The following ITPR1 variants were observed in gnomAD, a reference collection of about 807,000 sequenced individuals.
ITPR1 encodes inositol 1,4,5-trisphosphate-gated calcium channel ITPR1.
ITPR1 carries 96 observed loss-of-function variants against 318.4 expected under a neutral mutation model. The ratio of observed to expected loss-of-function variants is 0.30; its 90% confidence interval spans 0.26 to 0.36. The LOEUF is 0.36. Ranked by LOEUF, ITPR1 falls within the 10% of genes least tolerant of loss-of-function variation. The pLI, the probability that ITPR1 is intolerant of heterozygous loss-of-function variation, is 1.00. For missense variants in ITPR1, 2,440 were observed against 3,460.2 expected, an observed-to-expected ratio of 0.71 and a Z score of 7.40; for synonymous variants, 1,312 against 1,289.9, an observed-to-expected ratio of 1.02 and a Z score of -0.37.
chr3:4,818,571 T>C (rs1366754125), intron 60 of ITPR1, among the ~76,000 whole-genome samples: 2 of 152,216 alleles, frequency 1.3e-5, no homozygotes, highest in African/African-American at 2.4e-5. Context: ...TGAATCTGCC[T>C]CTTTTCTTGA....
intron 32 of ITPR1, among the ~76,000 whole-genome samples, chr3:4,692,247 A>G (rs372173827): frequency 6.6e-6 from 1 of 151,794 alleles, no homozygotes; most frequent in South Asian, 2.1e-4. Context: ...TTGACCTTTC[A>G]ACTCCTCAGT....
At chr3:4,623,569 C>A (rs1247916417) in intron 4 of ITPR1, among the ~76,000 whole-genome samples, 2 of 152,106 alleles carry the variant, frequency 1.3e-5, no homozygotes, top group Non-Finnish European at 2.9e-5. Flanking sequence ...TAAATATATT[C>A]TTCTGGTTTT....
Position 4,693,471 on chromosome 3 carries a change from C to A in ITPR1, c.4030-19C>A. 2 of 1,608,452 alleles carry A rather than the reference C, an allele frequency of 1.2e-6. No individual in the cohort carries two copies. Among genetic ancestry groups the A allele is most frequent in the South Asian group, 1.1e-5 (1 of 90,944 alleles). ...CCCCTGCAAGCTTGTAATCTAAACC[C>A]ACCCTGTTCTTTATGTAGCTGGTCA... On this transcript the variant is annotated intron_variant, in intron 32 of 61. Coordinates refer to ENST00000649015, the MANE Select transcript of ITPR1 (RefSeq NM_001378452.1).
intron 4 of ITPR1, among the ~76,000 whole-genome samples, chr3:4,534,950 G>C (rs1034273589): frequency 6.6e-6 from 1 of 152,124 alleles, no homozygotes; most frequent in African/African-American, 2.4e-5. Context: ...CAAAGAATAC[G>C]GGGTTTTGTT....
At chr3:4,783,192 T>G (rs577040383) in intron 50 of ITPR1, among the ~76,000 whole-genome samples, 7 of 152,366 alleles carry the variant, frequency 4.6e-5, no homozygotes, top group Admixed American at 4.6e-4. Flanking sequence ...CGGCAATACT[T>G]TATGCCCTGG....
chr3:4,526,756 C>G (rs1027825047), intron 4 of ITPR1, among the ~76,000 whole-genome samples: 1 of 152,208 alleles, frequency 6.6e-6, no homozygotes, highest in African/African-American at 2.4e-5. Context: ...TTAAATGTCA[C>G]TTCTTAGAAT....
chr3:4,780,153 G>A (rs2046734508), intron 49 of ITPR1, among the ~76,000 whole-genome samples: 1 of 152,066 alleles, frequency 6.6e-6, no homozygotes. Flanking sequence ...AGTCCAGAGG[G>A]TTGCTTTGAA....
intron 4 of ITPR1, among the ~76,000 whole-genome samples, chr3:4,550,112 T>C (rs892034767): frequency 1.1e-4 from 16 of 152,104 alleles, no homozygotes; most frequent in African/African-American, 3.6e-4. Context: ...CTGTCATTAT[T>C]AGCAAGTTGT....
Position 4,847,102 on chromosome 3 carries a change from T to C in ITPR1, c.*877T>C, listed in dbSNP as rs2051836778. 6.6e-6 allele frequency: 1 copy of C among 152,648 alleles called. No homozygotes were observed. The highest frequency in any genetic ancestry group is 1.5e-5 in the Non-Finnish European group (1 of 68,028). 9.5% of individuals were successfully genotyped at this position (152,648 alleles called of 1,614,324 possible). ...ATAAAGACATGCATAATTGATGGTT[T>C]CTAGATTATCTAGTCCAAACAATAG... On this transcript the variant is annotated 3_prime_UTR_variant, in exon 62 of 62. Transcript: ENST00000649015.
rs143403778 is a variant in ITPR1, at chr3:4,612,216, C to G, written c.164-15547C>G. ...AGCTGGGATTACAGGCGCCCACCAC[C>G]ACGCCTGGCTAATTTTTATACATTT... On this transcript the variant is annotated intron_variant, in intron 4 of 61. Transcript: ENST00000649015. Among the ~76,000 whole-genome samples, 435 of 152,100 alleles carry G rather than the reference C, an allele frequency of 2.9e-3. 15 individuals carry two copies. The East Asian group carries it at 0.039, about 14-fold the overall frequency.
chr3:4,538,591 G>T (rs1442494479), intron 4 of ITPR1, among the ~76,000 whole-genome samples: 2 of 152,154 alleles, frequency 1.3e-5, no homozygotes, highest in East Asian at 3.9e-4. Flanking sequence ...AAAGATACAT[G>T]CACATGTATG....
At position 4,615,016 on chromosome 3, in the gene ITPR1, T is replaced by G. The variant is rs1335198799; in HGVS notation, c.164-12747T>G. 2.0e-5 allele frequency among the ~76,000 whole-genome samples: 3 copies of G among 152,198 alleles called. No individual in the cohort carries two copies. The East Asian group carries it at 5.8e-4, about 29-fold the overall frequency. On this transcript the variant is annotated intron_variant, in intron 4 of 61. Transcript: ENST00000649015. The stretch of plus-strand genomic sequence containing the variant: ...AAGGAAACTGTTCAAGAATATTGTA[T>G]AGCTCACAGAATCAATAAGGAGGCT...
intron 30 of ITPR1, among the ~76,000 whole-genome samples, chr3:4,686,145 G>A (rs112357673): frequency 6.7e-4 from 102 of 152,272 alleles, no homozygotes; most frequent in African/African-American, 2.3e-3. Context: ...CAGCGGGAGA[G>A]GTTCAGTAAC....
At chr3:4,599,661 G>A (rs980129220) in intron 4 of ITPR1, among the ~76,000 whole-genome samples, 9 of 152,166 alleles carry the variant, frequency 5.9e-5, no homozygotes, top group African/African-American at 1.9e-4. Context: ...AACTCTAAAC[G>A]TGAAAATGGT....
chr3:4,628,158 G>T (rs2092901185), intron 5 of ITPR1, among the ~76,000 whole-genome samples: 1 of 152,192 alleles, frequency 6.6e-6, no homozygotes, highest in Non-Finnish European at 1.5e-5. Context: ...GAAGCAAACT[G>T]CCTGGAATGG....
chr3:4,645,360 A>C (rs1024338617), intron 8 of ITPR1, 27 bp from the exon 9 acceptor site: 1 of 1,545,740 alleles, frequency 6.5e-7, no homozygotes. Flanking sequence ...GGGGTACGTG[A>C]AAAAATAACT....
At chr3:4,593,455 C>T (rs1245824562) in intron 4 of ITPR1, among the ~76,000 whole-genome samples, 1 of 152,166 alleles carries the variant, frequency 6.6e-6, no homozygotes, top group African/African-American at 2.4e-5. Context: ...TTTATAGTTT[C>T]TCTAAGAGCA....
intron 4 of ITPR1, among the ~76,000 whole-genome samples, chr3:4,531,800 C>CTCCT (rs2083436713): frequency 6.6e-6 from 1 of 152,200 alleles, no homozygotes; most frequent in African/African-American, 2.4e-5. Context: ...TCTCAGGCAT[C>CTCCT]TCCTCTGGGG....
intron 5 of ITPR1, among the ~76,000 whole-genome samples, chr3:4,632,676 A>AT (rs1401966588): frequency 4.6e-5 from 7 of 152,278 alleles, no homozygotes; most frequent in Non-Finnish European, 7.3e-5. Flanking sequence ...CTTCAGCCCC[A>AT]TTTGCAACCT....
Sources: gnomAD v4.1 joint callset for allele counts (sites outside exome capture counted in the v4.1 genomes callset) on GRCh38, gnomAD v4.1.1 for gene constraint, MANE v1.5 for transcripts, NCBI Gene and HGNC (gene_info 2026-07-23, HGNC 2026-07-21) for gene names.